VAT1L: variants seen among roughly 807,000 people sequenced by gnomAD.
The protein encoded by VAT1L is putative NADPH-dependent quinone oxidoreductase VAT1L.
A neutral mutation model predicts 44.1 loss-of-function variants in VAT1L; 34 were observed. The ratio of observed to expected loss-of-function variants is 0.77; its 90% CI spans 0.59 to 1.03. The LOEUF is 1.03. VAT1L is among the 50% of genes least tolerant of loss of function. The pLI, the probability that VAT1L is intolerant of heterozygous loss-of-function variation, is 0.00. For synonymous variants in VAT1L, 253 were observed against 202.2 expected, an observed-to-expected ratio of 1.25 and a Z score of -2.13; for missense variants, 615 against 538.8, an observed-to-expected ratio of 1.14 and a Z score of -1.40.
chr16:77,846,586 A>G (rs1423974003), intron 3 of VAT1L, among the ~76,000 whole-genome samples: 1 of 152,222 alleles, frequency 6.6e-6, no homozygotes, highest in African/African-American at 2.4e-5. Context: ...GTATACAGTC[A>G]TAGGTAAGAT....
chr16:77,887,474 A>G (rs1467798499), intron 7 of VAT1L, among the ~76,000 whole-genome samples: 4 of 152,150 alleles, frequency 2.6e-5, no homozygotes, highest in Non-Finnish European at 1.5e-5. Context: ...CTAACTACAG[A>G]CCAGGAAGCC....
At chr16:77,816,037 T>A (rs920373964) in intron 1 of VAT1L, among the ~76,000 whole-genome samples, 7 of 143,368 alleles carry the variant, frequency 4.9e-5, no homozygotes, top group African/African-American at 1.8e-4. Context: ...TTTAATGGGA[T>A]GTGTTTCCCC....
In VAT1L at chr16:77,799,551, GTGT is replaced by G. The variant is rs1567466666; in HGVS notation, c.233+10637_233+10639del. On this transcript the variant is annotated intron_variant, in intron 1 of 8. Coordinates refer to ENST00000302536, the MANE Select transcript of VAT1L (RefSeq NM_020927.3). ...TGTGTGTGTGTGTGTGTGTGTGTGT[GTGT>G]GTGGTGTGTATTGGGGGAAAAGGAG... 7.7e-3 allele frequency among the ~76,000 whole-genome samples: 1,037 copies of G among 134,206 alleles called. 13 individuals are homozygous for G. Among genetic ancestry groups the G allele is most frequent in the African/African-American group, 0.027 (994 of 36,870 alleles). 88.0% of individuals were successfully genotyped at this position (134,206 alleles called of 152,430 possible). A position where few individuals can be genotyped will look rare whatever the true frequency, so the allele number is the denominator to read the frequency against.
At chr16:77,906,656 A>C (rs405207) in intron 7 of VAT1L, among the ~76,000 whole-genome samples, 14 of 152,142 alleles carry the variant, frequency 9.2e-5, no homozygotes, top group African/African-American at 3.4e-4. Context: ...ATGCAACTCA[A>C]AACTGTCTTC....
intron 7 of VAT1L, among the ~76,000 whole-genome samples, chr16:77,893,906 C>T (rs961685891): frequency 3.9e-5 from 6 of 152,156 alleles, no homozygotes; most frequent in African/African-American, 1.4e-4. Flanking sequence ...CTTAGCATAG[C>T]ATGTTTATAT....
intron 7 of VAT1L, among the ~76,000 whole-genome samples, chr16:77,946,544 A>T (rs557176464): frequency 4.7e-4 from 71 of 152,140 alleles, no homozygotes; most frequent in African/African-American, 1.6e-3. Flanking sequence ...AGCCTCCCAA[A>T]GTGCTGGGAT....
intron 3 of VAT1L, among the ~76,000 whole-genome samples, chr16:77,830,890 G>A (rs1055402638): frequency 6.6e-6 from 1 of 152,142 alleles, no homozygotes; most frequent in Admixed American, 6.5e-5. Flanking sequence ...CACCACGTTG[G>A]CGAGGCTGTT....
At chr16:77,857,795 A>C (rs2016874189) in intron 3 of VAT1L, among the ~76,000 whole-genome samples, 1 of 150,818 alleles carries the variant, frequency 6.6e-6, no homozygotes, top group African/African-American at 2.4e-5. Flanking sequence ...ATATAATAAT[A>C]TAAGTACATA....
At chr16:77,791,468 C>G (rs563670581) in intron 1 of VAT1L, among the ~76,000 whole-genome samples, 1 of 152,112 alleles carries the variant, frequency 6.6e-6, no homozygotes, top group Admixed American at 6.5e-5. Flanking sequence ...CATTAATGCG[C>G]CAGTGAGATG....
chr16:77,968,493 A>C (rs894972883), intron 7 of VAT1L, among the ~76,000 whole-genome samples: 3 of 152,192 alleles, frequency 2.0e-5, no homozygotes, highest in African/African-American at 7.2e-5. Context: ...TGGGAGGCCA[A>C]GGCAGGCGGA....
At chr16:77,830,055 G>A (rs1042299347) in intron 3 of VAT1L, among the ~76,000 whole-genome samples, 11 of 152,062 alleles carry the variant, frequency 7.2e-5, no homozygotes, top group African/African-American at 2.7e-4. Flanking sequence ...GCCCCTCGAG[G>A]AACATGAGAT....
chr16:77,875,220 G>A (rs2017075810), intron 4 of VAT1L, among the ~76,000 whole-genome samples: 1 of 152,074 alleles, frequency 6.6e-6, no homozygotes, highest in African/African-American at 2.4e-5. Flanking sequence ...GCTTTTGAAG[G>A]GCATAGTCAC....
chr16:77,886,359 G>A (rs375404358), intron 7 of VAT1L, among the ~76,000 whole-genome samples: 120 of 152,222 alleles, frequency 7.9e-4, no homozygotes, highest in African/African-American at 2.1e-3. Context: ...GAGAGAAAAC[G>A]GAATCATCAA....
At chr16:77,877,534 A>AC (rs2017102030) in intron 5 of VAT1L, among the ~76,000 whole-genome samples, 1 of 122,010 alleles carries the variant, frequency 8.2e-6, no homozygotes, top group South Asian at 2.8e-4. Context: ...AAAAAAAAAA[A>AC]AAAAAAAAAC....
chr16:77,875,769 C>G (rs1263466607), intron 4 of VAT1L, among the ~76,000 whole-genome samples: 4 of 152,166 alleles, frequency 2.6e-5, no homozygotes, highest in African/African-American at 4.8e-5. Context: ...TAGGTTGGAC[C>G]TAGACATTGG....
intron 3 of VAT1L, among the ~76,000 whole-genome samples, chr16:77,846,331 G>A (rs1207920388): frequency 6.6e-6 from 1 of 152,086 alleles, no homozygotes; most frequent in African/African-American, 2.4e-5. Flanking sequence ...TGATCCCTCA[G>A]TGAACCACAA....
intron 3 of VAT1L, among the ~76,000 whole-genome samples, chr16:77,861,321 T>C (rs117324864): frequency 6.6e-6 from 1 of 152,200 alleles, no homozygotes; most frequent in East Asian, 1.9e-4. Flanking sequence ...ACCAGAAAAC[T>C]GGGTTTTACT....
intron 3 of VAT1L, among the ~76,000 whole-genome samples, chr16:77,844,633 T>C (rs933307331): frequency 2.6e-5 from 4 of 151,756 alleles, no homozygotes; most frequent in African/African-American, 9.7e-5. Context: ...GGTCTCAAAC[T>C]CCTGACCTCA....
chr16:77,845,039 A>T (rs916464316), intron 3 of VAT1L, among the ~76,000 whole-genome samples: 2 of 152,208 alleles, frequency 1.3e-5, no homozygotes, highest in Non-Finnish European at 2.9e-5. Flanking sequence ...GAAATTGCAA[A>T]CATCCCAGAC....
Sources: gnomAD v4.1 joint callset for allele counts (sites outside exome capture counted in the v4.1 genomes callset) on GRCh38, gnomAD v4.1.1 for gene constraint, MANE v1.5 for transcripts, NCBI Gene and HGNC (gene_info 2026-07-23, HGNC 2026-07-21) for gene names.